PFKP: variants seen among roughly 807,000 people sequenced by gnomAD.
PFKP encodes the protein phosphofructokinase, platelet, also known as ATP-dependent 6-phosphofructokinase, platelet type.
A neutral mutation model predicts 94.3 loss-of-function variants in PFKP; 101 were observed. The ratio of observed to expected loss-of-function variants is 1.07; its 90% CI spans 0.91 to 1.26. PFKP has a LOEUF of 1.26. PFKP is among the 50% of genes most tolerant of loss of function. PFKP has a pLI of 0.00. For synonymous variants in PFKP, 573 were observed against 432.6 expected, an observed-to-expected ratio of 1.32 and a Z score of -4.03; for missense variants, 1,145 against 1,103.3, an observed-to-expected ratio of 1.04 and a Z score of -0.53.
Position 3,117,149 on chromosome 10 carries a change from G to C in PFKP, c.1442+303G>C, listed in dbSNP as rs183011927. Among the ~76,000 whole-genome samples, 250 of 152,354 alleles carry C rather than the reference G, an allele frequency of 1.6e-3. 2 individuals carry two copies. The highest frequency in any genetic ancestry group is 4.2e-3 in the Admixed American group (65 of 15,308). ...AAAGCCTCCACTTGGAGGTCATAAAGATGAGTGGTGTCACGGAGCCGTGGA... is the reference window on the plus strand; with the variant it reads ...AAAGCCTCCACTTGGAGGTCATAAACATGAGTGGTGTCACGGAGCCGTGGA... On this transcript the variant is annotated intron_variant, in intron 14 of 21. Transcript: ENST00000381125.
chr10:3,124,029 G>A (rs9423477), intron 16 of PFKP, among the ~76,000 whole-genome samples: 60,379 of 113,922 alleles, frequency 0.53, 12,866 homozygotes, highest in South Asian at 0.56. Context: ...CCTATCCACC[G>A]TGCTGTGAAC....
intron 1 of PFKP, among the ~76,000 whole-genome samples, chr10:3,075,383 A>T (rs1832500799): frequency 6.6e-6 from 1 of 151,846 alleles, no homozygotes; most frequent in Non-Finnish European, 1.5e-5. Flanking sequence ...GTCGAAAGTC[A>T]AGAGGTACAC....
rs1839415835 is a variant in PFKP, at chr10:3,136,697, G to C, written c.*118G>C. 1 of 1,072,494 alleles carries C rather than the reference G, an allele frequency of 9.3e-7. No individual in the cohort carries two copies. The highest frequency in any genetic ancestry group is 1.6e-5 in the African/African-American group (1 of 64,508). The allele number at this position is 1,072,494 out of a possible 1,614,324, so 66.4% of individuals were successfully genotyped here. ...TGACATTAATACCTAATCGGCGAGTGCCCATCTGCCCCACCTGCTCCAGTG... is the reference window on the plus strand; with the variant it reads ...TGACATTAATACCTAATCGGCGAGTCCCCATCTGCCCCACCTGCTCCAGTG... On this transcript the variant is annotated 3_prime_UTR_variant, in exon 22 of 22. Transcript: ENST00000381125.
Position 3,088,965 on chromosome 10 carries a change from T to C in PFKP, c.186+6504T>C, listed in dbSNP as rs530044545. ...TTTCTTTTTCCATACAGAGTTTTGC[T>C]CTGTTGCCCAGGCTGGAGTGCAATG... is the stretch of plus-strand genomic sequence containing the variant. On this transcript the variant is annotated intron_variant, in intron 2 of 21. Transcript: ENST00000381125. Among the ~76,000 whole-genome samples, 10 of 152,296 alleles carry C rather than the reference T, an allele frequency of 6.6e-5. 1 individual carries two copies. Among genetic ancestry groups the C allele is most frequent in the African/African-American group, 2.4e-4 (10 of 41,566 alleles).
In PFKP at chr10:3,121,831, CT is replaced by C. The variant is rs71497862; in HGVS notation, c.1683+1794del. ...TTTTTTTTTTTTTTTTTTTTTTTTTCTTTTTTTGGAGACAGGGCCTCACTCT... is the reference window on the plus strand; with the variant it reads ...TTTTTTTTTTTTTTTTTTTTTTTTTCTTTTTTGGAGACAGGGCCTCACTCT... On this transcript the variant is annotated intron_variant, in intron 16 of 21. Coordinates refer to ENST00000381125, the MANE Select transcript of PFKP (RefSeq NM_002627.5). Among the ~76,000 whole-genome samples, 5 of 34,556 alleles carry C rather than the reference CT, an allele frequency of 1.4e-4. 1 individual carries two copies. The highest frequency in any genetic ancestry group is 4.6e-4 in the African/African-American group (5 of 10,964). The allele number at this position is 34,556 out of a possible 152,430, so 22.7% of individuals were successfully genotyped here.
chr10:3,112,535 C>T (rs532013071), intron 11 of PFKP, among the ~76,000 whole-genome samples: 19 of 152,276 alleles, frequency 1.2e-4, no homozygotes, highest in Admixed American at 1.1e-3. Flanking sequence ...GAGATTAAGG[C>T]ACAAGGTGAC....
At chr10:3,091,822 T>C (rs901196762) in intron 2 of PFKP, among the ~76,000 whole-genome samples, 1 of 152,214 alleles carries the variant, frequency 6.6e-6, no homozygotes, top group Non-Finnish European at 1.5e-5. Context: ...CTTAATTTTT[T>C]GTTTGTTTTA....
chr10:3,107,771 G>A, intron 8 of PFKP: 1 of 1,193,948 alleles, frequency 8.4e-7, no homozygotes, highest in Non-Finnish European at 1.1e-6. Context: ...GTGTCCTCGT[G>A]GCCCTGCCTG....
chr10:3,135,619 C>T (rs374204927), intron 20 of PFKP, 117 bp from the exon 21 acceptor site: 7 of 650,520 alleles, frequency 1.1e-5, no homozygotes, highest in Middle Eastern at 2.5e-4. Flanking sequence ...ACTGGGCTTC[C>T]AGGCCGGGTT....
intron 3 of PFKP, among the ~76,000 whole-genome samples, chr10:3,099,590 C>T (rs1036115660): frequency 2.6e-5 from 4 of 152,230 alleles, no homozygotes; most frequent in South Asian, 2.1e-4. Flanking sequence ...CCGCTGAAGA[C>T]GCTCATGGGG....
chr10:3,081,141 C>T (rs530061342), intron 1 of PFKP, among the ~76,000 whole-genome samples: 1 of 152,286 alleles, frequency 6.6e-6, no homozygotes, highest in East Asian at 1.9e-4. Context: ...AGTAAACATG[C>T]ATTTACCTCT....
chr10:3,075,183 C>G (rs1032977673), intron 1 of PFKP, among the ~76,000 whole-genome samples: 2 of 152,172 alleles, frequency 1.3e-5, no homozygotes, highest in African/African-American at 4.8e-5. Context: ...GCCAGGTGCT[C>G]CTTGCCCTCA....
At chr10:3,092,272 A>G (rs1489496769) in intron 2 of PFKP, among the ~76,000 whole-genome samples, 3 of 152,174 alleles carry the variant, frequency 2.0e-5, no homozygotes, top group African/African-American at 7.2e-5. Flanking sequence ...TTACTATACC[A>G]ATAAACAAAC....
At chr10:3,068,591 A>G in intron 1 of PFKP, 2 of 833,602 alleles carry the variant, frequency 2.4e-6, no homozygotes, top group Non-Finnish European at 2.9e-6. Context: ...GAGGGGCCCG[A>G]GGCTGGGCCC....
chr10:3,126,750 T>C (rs945139382), intron 16 of PFKP, among the ~76,000 whole-genome samples: 2 of 152,258 alleles, frequency 1.3e-5, no homozygotes, highest in Non-Finnish European at 2.9e-5. Flanking sequence ...TTTATATTTC[T>C]TAACACCCAT....
chr10:3,102,170 G>GA (rs1463715931), intron 4 of PFKP, among the ~76,000 whole-genome samples: 1 of 139,876 alleles, frequency 7.1e-6, no homozygotes, highest in African/African-American at 2.7e-5. Context: ...AGAATGGCGT[G>GA]AACCCGGGAG....
chr10:3,100,237 C>T (rs1233629653), intron 3 of PFKP, among the ~76,000 whole-genome samples: 1 of 151,876 alleles, frequency 6.6e-6, no homozygotes, highest in Non-Finnish European at 1.5e-5. Flanking sequence ...TCGTGCTGCC[C>T]CCCAGGTTTT....
At position 3,071,673 on chromosome 10, in the gene PFKP, G is replaced by A. The variant is rs1160110141; in HGVS notation, c.112+3966G>A. 3.9e-5 allele frequency among the ~76,000 whole-genome samples: 6 copies of A among 152,290 alleles called. No homozygotes were observed. The East Asian group carries it at 1.2e-3, about 29-fold the overall frequency. On this transcript the variant is annotated intron_variant, in intron 1 of 21. Transcript: ENST00000381125. ...GAAGGTCCTGGTGCCTGGTGGAGCT[G>A]AGTGTACTGGGAAGTCCAGGTGCAT...
At chr10:3,122,527 T>C (rs6602028) in intron 16 of PFKP, among the ~76,000 whole-genome samples, 102,653 of 152,194 alleles carry the variant, frequency 0.67, 34,953 homozygotes, top group South Asian at 0.75. Flanking sequence ...CGTCTGGCCA[T>C]AGAAGAACAT....
Sources: allele counts gnomAD v4.1 joint callset (sites outside exome capture counted in the v4.1 genomes callset), GRCh38; gene constraint gnomAD v4.1.1; transcripts MANE v1.5; gene names NCBI Gene and HGNC (gene_info 2026-07-23, HGNC 2026-07-21).